LIMD1: variants seen among roughly 807,000 people sequenced by gnomAD.
The protein encoded by LIMD1 is LIM domain-containing protein 1.
In LIMD1, 23 loss-of-function variants were observed where a neutral mutation model predicts 58.4. The ratio of observed to expected loss-of-function variants is 0.39; its 90% CI spans 0.28 to 0.56. LIMD1 has a LOEUF of 0.56. Ranked by LOEUF, LIMD1 falls within the 20% of genes least tolerant of loss-of-function variation. The probability of loss-of-function intolerance (pLI) is 0.57; values close to 1 mark genes in which losing one functional copy is unlikely to be tolerated. For missense variants in LIMD1, 838 were observed against 855.5 expected (o/e 0.98, Z 0.25); for synonymous variants, 334 against 345.5 (o/e 0.97, Z 0.37).
intron 1 of LIMD1, among the ~76,000 whole-genome samples, chr3:45,606,433 G>A (rs1249327973): frequency 6.6e-6 from 1 of 152,234 alleles, no homozygotes; most frequent in Admixed American, 6.5e-5. Flanking sequence ...AAAGAAGGCA[G>A]AGTGTGGAGG....
At chr3:45,619,837 C>T (rs969816323) in intron 1 of LIMD1, among the ~76,000 whole-genome samples, 2 of 139,192 alleles carry the variant, frequency 1.4e-5, no homozygotes, top group East Asian at 2.1e-4. Flanking sequence ...CGCCCCCCCC[C>T]CCAAAAAAAG....
At chr3:45,647,122 C>G (rs970560451) in intron 2 of LIMD1, among the ~76,000 whole-genome samples, 2 of 152,068 alleles carry the variant, frequency 1.3e-5, no homozygotes, top group Non-Finnish European at 2.9e-5. Flanking sequence ...AAAAGAACCC[C>G]CAAAAATGTA....
At chr3:45,599,309 T>A (rs555629724) in intron 1 of LIMD1, among the ~76,000 whole-genome samples, 4 of 104,614 alleles carry the variant, frequency 3.8e-5, no homozygotes, top group African/African-American at 1.3e-4. Flanking sequence ...CCCATACCCA[T>A]AAAGCAATTG....
rs565639678 is a variant in LIMD1, at chr3:45,608,825, G to A, written c.1408+12538G>A. On this transcript the variant is annotated intron_variant, in intron 1 of 7. Transcript: ENST00000273317. ...ATTGCACTCCAGCCTGGGCAACAGA[G>A]CGAGACTCGGTATCAAAAAAAAAAA... is the stretch of plus-strand genomic sequence containing the variant. 1.5e-4 allele frequency among the ~76,000 whole-genome samples: 17 copies of A among 116,076 alleles called. No homozygotes were observed. In the South Asian group the frequency reaches 3.7e-3, roughly 25 times the overall value. The allele number at this position is 116,076 out of a possible 152,430, so 76.2% of individuals were successfully genotyped here.
At chr3:45,637,151 A>AC (rs1365866285) in intron 2 of LIMD1, among the ~76,000 whole-genome samples, 3 of 152,146 alleles carry the variant, frequency 2.0e-5, no homozygotes, top group South Asian at 4.2e-4. Flanking sequence ...AGACTTTAAA[A>AC]CCCTGCTAAT....
rs1412908149 is a variant in LIMD1 at position 45,668,361 on chromosome 3, G to A, written c.1641+5G>A. 6.2e-7 allele frequency: 1 copy of A among 1,611,032 alleles called. No individual in the cohort carries two copies. The highest frequency in any genetic ancestry group is 8.5e-7 in the Non-Finnish European group (1 of 1,177,642). The stretch of plus-strand genomic sequence containing the variant: ...GGACATCTGATCATGGACATGGTGA[G>A]TAGGTCAGCCAAAGAAGAGAACAGC... On this transcript the variant is annotated splice_donor_5th_base_variant and intron_variant, in intron 4 of 7. Transcript: ENST00000273317.
chr3:45,674,344 G>A lies in LIMD1; in HGVS notation c.1826G>A (p.Gly609Asp). 1 of 1,613,664 alleles carries A rather than the reference G, an allele frequency of 6.2e-7. No individual in the cohort carries two copies. The highest frequency in any genetic ancestry group is 8.5e-7 in the Non-Finnish European group (1 of 1,179,752). Reference sequence around the variant, plus strand: ...GTTCTTGCTTTTCTCTGGTCCCAGGGCTCAGATGAGACCATCCGTGTCGTG... The same window carrying A: ...GTTCTTGCTTTTCTCTGGTCCCAGGACTCAGATGAGACCATCCGTGTCGTG... ...ACGLPILPPE[G>D]SDETIRVVSM... The change falls in exon 7 of 8, where the codon GGC becomes GAC. Residue 609 changes from glycine to aspartate, a missense_variant and splice_region_variant. Coordinates refer to ENST00000273317, the MANE Select transcript of LIMD1 (RefSeq NM_014240.3).
At chr3:45,627,578 G>C (rs2125655788) in intron 1 of LIMD1, among the ~76,000 whole-genome samples, 1 of 152,152 alleles carries the variant, frequency 6.6e-6, no homozygotes, top group South Asian at 2.1e-4. Flanking sequence ...ATCACTTGAA[G>C]CCAGGAGTTC....
At chr3:45,608,660 T>G (rs1420469189) in intron 1 of LIMD1, among the ~76,000 whole-genome samples, 8 of 151,832 alleles carry the variant, frequency 5.3e-5, no homozygotes, top group Non-Finnish European at 1.2e-4. Flanking sequence ...GCTAACACAG[T>G]AAAACCCTGT....
intron 2 of LIMD1, among the ~76,000 whole-genome samples, chr3:45,664,718 G>A (rs1466497153): frequency 6.6e-6 from 1 of 152,238 alleles, no homozygotes. Context: ...GGCGTCACCA[G>A]GCGAGGGCAG....
intron 1 of LIMD1, among the ~76,000 whole-genome samples, chr3:45,623,287 G>GT (rs1701643522): frequency 6.6e-6 from 1 of 152,176 alleles, no homozygotes; most frequent in South Asian, 2.1e-4. Context: ...AGACAGAAGG[G>GT]TATAACCAGA....
chr3:45,608,445 A>G (rs921081959), intron 1 of LIMD1, among the ~76,000 whole-genome samples: 1 of 152,190 alleles, frequency 6.6e-6, no homozygotes, highest in Non-Finnish European at 1.5e-5. Flanking sequence ...CTTGCAGAGA[A>G]GCCCACTGAC....
intron 1 of LIMD1, among the ~76,000 whole-genome samples, chr3:45,630,606 G>A (rs1701718130): frequency 6.6e-6 from 1 of 152,100 alleles, no homozygotes; most frequent in Admixed American, 6.5e-5. Flanking sequence ...TAGAATGGGA[G>A]GTGGGCCAGG....
chr3:45,658,386 C>G (rs1697373221), intron 2 of LIMD1, among the ~76,000 whole-genome samples: 1 of 152,072 alleles, frequency 6.6e-6, no homozygotes, highest in African/African-American at 2.4e-5. Context: ...GCTGTGGGAA[C>G]TGGCAGCAAG....
intron 1 of LIMD1, 113 bp from the exon 2 acceptor site, chr3:45,636,034 TTGG>T: frequency 6.4e-7 from 1 of 1,551,736 alleles, no homozygotes; most frequent in Non-Finnish European, 8.7e-7. Flanking sequence ...TCCACTGGAT[TTGG>T]TGGTGGGCTG....
chr3:45,601,901 T>C (rs1701416825), intron 1 of LIMD1, among the ~76,000 whole-genome samples: 1 of 151,764 alleles, frequency 6.6e-6, no homozygotes, highest in Non-Finnish European at 1.5e-5. Flanking sequence ...GTGGGCTCCT[T>C]GCGTTTTCCA....
At chr3:45,616,029 T>A (rs1701572503) in intron 1 of LIMD1, among the ~76,000 whole-genome samples, 2 of 152,140 alleles carry the variant, frequency 1.3e-5, no homozygotes, top group African/African-American at 4.8e-5. Context: ...AAAATAGAGT[T>A]CAGAAGCCAG....
chr3:45,649,232 C>T (rs999782841), intron 2 of LIMD1, among the ~76,000 whole-genome samples: 2 of 152,076 alleles, frequency 1.3e-5, no homozygotes, highest in Non-Finnish European at 2.9e-5. Context: ...TCCTTCTCAT[C>T]CCTTTGTTTA....
chr3:45,613,780 G>A (rs1057014809), intron 1 of LIMD1, among the ~76,000 whole-genome samples: 1 of 152,056 alleles, frequency 6.6e-6, no homozygotes, highest in Non-Finnish European at 1.5e-5. Flanking sequence ...TTATAGGCAT[G>A]AGCCACTGCA....
Sources: allele counts gnomAD v4.1 joint callset (sites outside exome capture counted in the v4.1 genomes callset), GRCh38; gene constraint gnomAD v4.1.1; transcripts MANE v1.5; gene names NCBI Gene and HGNC (gene_info 2026-07-23, HGNC 2026-07-21).